Variants in KLHL1 observed in about 807,000 individuals in gnomAD.
KLHL1 encodes kelch-like protein 1.
A neutral mutation model predicts 77.7 loss-of-function variants in KLHL1; 47 were observed. The ratio of observed to expected loss-of-function variants is 0.60; its 90% CI spans 0.48 to 0.77. The LOEUF (loss-of-function observed/expected upper bound fraction) is 0.77, where lower values mean the gene tolerates loss of function less well. KLHL1 is among the 30% of genes least tolerant of loss of function. The pLI, the probability that KLHL1 is intolerant of heterozygous loss-of-function variation, is 0.00. For missense variants in KLHL1, 925 were observed against 910.8 expected (o/e 1.02, Z -0.20); for synonymous variants, 360 against 325.2 (o/e 1.11, Z -1.15).
At chr13:69,804,306 G>T (rs200187987) in intron 6 of KLHL1, among the ~76,000 whole-genome samples, 38,601 of 125,046 alleles carry the variant, frequency 0.31, 4,955 homozygotes, top group African/African-American at 0.36. Context: ...TAATTTTTTT[G>T]TGGGGGGGGG....
chr13:70,035,339 C>G (rs1407285880), intron 1 of KLHL1, among the ~76,000 whole-genome samples: 1 of 152,016 alleles, frequency 6.6e-6, no homozygotes, highest in Non-Finnish European at 1.5e-5. Context: ...CACAGAAAAA[C>G]AAACTTCATA....
intron 10 of KLHL1, among the ~76,000 whole-genome samples, chr13:69,705,420 A>G (rs759894243): frequency 6.6e-6 from 1 of 151,688 alleles, no homozygotes; most frequent in Non-Finnish European, 1.5e-5. Flanking sequence ...AAATATTCAC[A>G]TATTTGGATA....
At chr13:70,000,902 A>T (rs1027628597) in intron 1 of KLHL1, among the ~76,000 whole-genome samples, 1 of 148,812 alleles carries the variant, frequency 6.7e-6, no homozygotes, top group Admixed American at 6.8e-5. Flanking sequence ...AAATAGAAAA[A>T]AGCAAAGATA....
chr13:69,815,064 C>A (rs908031184), intron 6 of KLHL1, among the ~76,000 whole-genome samples: 1 of 151,720 alleles, frequency 6.6e-6, no homozygotes, highest in African/African-American at 2.4e-5. Context: ...AACATATTGA[C>A]AAGATTATGA....
At chr13:69,838,129 A>G (rs537178832) in intron 6 of KLHL1, among the ~76,000 whole-genome samples, 15 of 149,144 alleles carry the variant, frequency 1.0e-4, no homozygotes, top group African/African-American at 3.6e-4. Context: ...TGCAGCTACA[A>G]TTTTGAAATC....
chr13:69,912,023 C>T (rs1480283423), intron 4 of KLHL1, among the ~76,000 whole-genome samples: 1 of 152,064 alleles, frequency 6.6e-6, no homozygotes, highest in African/African-American at 2.4e-5. Context: ...ACTTCCCCAA[C>T]TAATTTCAGA....
rs1300811982 is a variant in KLHL1 at position 70,084,642 on chromosome 13, TTTTTTTG to T, written c.497+22554_497+22560del. On this transcript the variant is annotated intron_variant, in intron 1 of 10. Transcript: ENST00000377844. ...CCAGGCTTTTTTTTTTTTTTTTTTT[TTTTTTTG>T]AATTTTTAGTAGAGACGGGGTTTCA... 3.5e-3 allele frequency among the ~76,000 whole-genome samples: 444 copies of T among 125,882 alleles called. 10 individuals are homozygous for T. Among genetic ancestry groups the T allele is most frequent in the African/African-American group, 0.013 (412 of 32,286 alleles). The allele number at this position is 125,882 out of a possible 152,430, so 82.6% of individuals were successfully genotyped here. A position where few individuals can be genotyped will look rare whatever the true frequency, so the allele number is the denominator to read the frequency against.
chr13:70,107,249 C>T lies in KLHL1; in HGVS notation c.451G>A (p.Glu151Lys), dbSNP rs748060817. The T allele has an allele frequency of 6.2e-7, 1 of 1,613,922 alleles. No individual in the cohort carries two copies. Among genetic ancestry groups the T allele is most frequent in the South Asian group, 1.1e-5 (1 of 91,068 alleles). ...KGLVLQELKV[E>K]PDNSSQATGE... ...GTTGCCTGGCTAGAGTTGTCTGGCT[C>T]CACTTTGAGCTCTTGCAGAACCAGC... The change falls in exon 1 of 11, where the codon GAG becomes AAG. Residue 151 changes from glutamate (E) to lysine (K), a missense_variant. By Grantham distance (56) the Glu-to-Lys change is moderately conservative (BLOSUM62 1). Transcript: ENST00000377844.
intron 4 of KLHL1, among the ~76,000 whole-genome samples, chr13:69,914,980 C>T (rs926658681): frequency 1.3e-5 from 2 of 152,002 alleles, no homozygotes; most frequent in East Asian, 3.8e-4. Flanking sequence ...ACTTTTTGGC[C>T]CTCAGAATGT....
At chr13:69,861,901 G>A (rs955446233) in intron 5 of KLHL1, among the ~76,000 whole-genome samples, 15 of 150,880 alleles carry the variant, frequency 9.9e-5, no homozygotes, top group African/African-American at 3.7e-4. Flanking sequence ...GGAGGCGGAG[G>A]TTGTGGTGAG....
chr13:70,070,273 A>G (rs182902519), intron 1 of KLHL1, among the ~76,000 whole-genome samples: 63 of 152,188 alleles, frequency 4.1e-4, no homozygotes, highest in African/African-American at 1.5e-3. Context: ...TAAGATAAAC[A>G]TCAAGATTCT....
intron 2 of KLHL1, among the ~76,000 whole-genome samples, chr13:69,970,479 C>T (rs957327456): frequency 2.6e-5 from 4 of 152,012 alleles, no homozygotes; most frequent in Admixed American, 2.0e-4. Context: ...TGAGGCCTGC[C>T]GATGTCCCAG....
intron 9 of KLHL1, among the ~76,000 whole-genome samples, chr13:69,713,740 C>T (rs1875985771): frequency 6.6e-6 from 1 of 151,620 alleles, no homozygotes; most frequent in Non-Finnish European, 1.5e-5. Context: ...TAACATATAA[C>T]TTTCTAAAAA....
chr13:69,939,989 C>T (rs763964103), intron 4 of KLHL1, 51 bp downstream of exon 4: 125 of 1,359,456 alleles, frequency 9.2e-5, no homozygotes, highest in Non-Finnish European at 1.2e-4. Flanking sequence ...TTATTTTTAC[C>T]TCTGATAACA....
rs61965330 is a variant in KLHL1, at chr13:69,751,826, G to A, written c.1640-11270C>T. Among the ~76,000 whole-genome samples the A allele has an allele frequency of 6.2e-3, 949 of 152,232 alleles. 7 individuals carry two copies. The highest frequency in any genetic ancestry group is 0.021 in the African/African-American group (857 of 41,564). The stretch of plus-strand genomic sequence containing the variant: ...GATGTGGCCATGCCAAATAATGTAC[G>A]TGAGAGGTGATAGTGTCTTGCTTGT... On this transcript the variant is annotated intron_variant, in intron 7 of 10. Transcript: ENST00000377844.
At position 69,740,415 on chromosome 13, in the gene KLHL1, C is replaced by T. The variant is rs1026547098; in HGVS notation, c.1781G>A (p.Gly594Asp). 1 of 1,603,630 alleles carries T rather than the reference C, an allele frequency of 6.2e-7. No homozygotes were observed. Among genetic ancestry groups the T allele is most frequent in the African/African-American group, 1.3e-5 (1 of 74,772 alleles). The change falls in exon 8 of 11, where the codon GGT becomes GAT. Residue 594 changes from glycine to aspartate, a missense_variant. Coordinates refer to ENST00000377844, the MANE Select transcript of KLHL1 (RefSeq NM_020866.3). ...TTACTTGCCATTCAATGCTGCTACA[C>T]CAACTGTGCTCCGAGCAATTGACAT... is the stretch of plus-strand genomic sequence containing the variant. ...ASMSIARSTV[G>D]VAALNGKLYS...
At chr13:70,095,112 A>C (rs1317070838) in intron 1 of KLHL1, among the ~76,000 whole-genome samples, 2 of 152,176 alleles carry the variant, frequency 1.3e-5, no homozygotes, top group Non-Finnish European at 2.9e-5. Flanking sequence ...TTTCTGCTCC[A>C]AATACTGGGT....
chr13:69,969,452 C>A (rs1019021430), intron 2 of KLHL1, among the ~76,000 whole-genome samples: 2 of 151,836 alleles, frequency 1.3e-5, no homozygotes, highest in African/African-American at 4.8e-5. Flanking sequence ...TTATCAAAAG[C>A]ATTAATTAAA....
chr13:69,718,520 TTAGAG>T lies in KLHL1; in HGVS notation c.2015+844_2015+848del, dbSNP rs147241529. Among the ~76,000 whole-genome samples, 304 of 152,184 alleles carry T rather than the reference TTAGAG, an allele frequency of 2.0e-3. 1 individual carries two copies. The highest frequency in any genetic ancestry group is 7.0e-3 in the African/African-American group (289 of 41,530). ...CCACTGAGAGTTTTAAAGTTATTTGTTAGAGTAGAGTTACTTATACCAATTGATAA... is the reference window on the plus strand; with the variant it reads ...CCACTGAGAGTTTTAAAGTTATTTGTTAGAGTTACTTATACCAATTGATAA... On this transcript the variant is annotated intron_variant, in intron 9 of 10. Coordinates refer to ENST00000377844, the MANE Select transcript of KLHL1 (RefSeq NM_020866.3).
Sources: allele counts gnomAD v4.1 joint callset (sites outside exome capture counted in the v4.1 genomes callset), GRCh38; gene constraint gnomAD v4.1.1; transcripts MANE v1.5; gene names NCBI Gene and HGNC (gene_info 2026-07-23, HGNC 2026-07-21).